HMBOX1: variants seen among roughly 807,000 people sequenced by gnomAD.
The protein encoded by HMBOX1 is homeobox-containing protein 1.
A neutral mutation model predicts 54.5 loss-of-function variants in HMBOX1; 14 were observed. The observed-to-expected ratio is 0.26, with a 90% confidence interval of 0.17 to 0.40. The LOEUF (loss-of-function observed/expected upper bound fraction) is 0.40, where lower values mean the gene tolerates loss of function less well. Among genes scored for constraint, HMBOX1 ranks in the 10% least tolerant of loss-of-function variants. The pLI is 1.00. For synonymous variants in HMBOX1, 160 were observed against 181.0 expected, an observed-to-expected ratio of 0.88 and a Z score of 0.93; for missense variants, 332 against 514.4, an observed-to-expected ratio of 0.65 and a Z score of 3.43.
At chr8:29,030,179 G>GTTTTT (rs372951537) in intron 6 of HMBOX1, among the ~76,000 whole-genome samples, 2 of 137,002 alleles carry the variant, frequency 1.5e-5, no homozygotes, top group Non-Finnish European at 1.6e-5. Flanking sequence ...TTAGGTTCCA[G>GTTTTT]TTTTTTTTTT....
intron 2 of HMBOX1, among the ~76,000 whole-genome samples, chr8:28,967,905 C>G (rs11778263): frequency 0.1 from 15,144 of 152,166 alleles, 998 homozygotes; most frequent in Middle Eastern, 0.16. Flanking sequence ...CACAAATGGC[C>G]TGCAACATGT....
chr8:28,968,352 G>T (rs1826800891), intron 2 of HMBOX1, among the ~76,000 whole-genome samples: 1 of 152,198 alleles, frequency 6.6e-6, no homozygotes, highest in Non-Finnish European at 1.5e-5. Flanking sequence ...AATAGCCTGT[G>T]TGCCAAATCA....
At chr8:28,947,129 A>G (rs1378125321) in intron 1 of HMBOX1, among the ~76,000 whole-genome samples, 1 of 152,206 alleles carries the variant, frequency 6.6e-6, no homozygotes. Context: ...ACTCAGATGG[A>G]GAGCGTTTTT....
At chr8:28,936,081 C>G (rs1039984879) in intron 1 of HMBOX1, among the ~76,000 whole-genome samples, 6 of 152,080 alleles carry the variant, frequency 3.9e-5, no homozygotes, top group African/African-American at 1.4e-4. Flanking sequence ...ATAGTTGGTC[C>G]TTAATAGTTC....
intron 1 of HMBOX1, among the ~76,000 whole-genome samples, chr8:28,946,414 C>G (rs1026543469): frequency 6.6e-6 from 1 of 151,648 alleles, no homozygotes; most frequent in Middle Eastern, 3.4e-3. Flanking sequence ...ACTAAAAATA[C>G]AAAATATTAG....
At chr8:28,926,439 G>GA (rs1486876234) in intron 1 of HMBOX1, among the ~76,000 whole-genome samples, 1 of 152,140 alleles carries the variant, frequency 6.6e-6, no homozygotes, top group Non-Finnish European at 1.5e-5. Context: ...ACTTCTGCCA[G>GA]AAAAAACTGA....
At position 29,018,776 on chromosome 8, in the gene HMBOX1, G is replaced by T; in HGVS notation, c.714G>T (p.Met238Ile). 6.2e-7 allele frequency: 1 copy of T among 1,614,052 alleles called. No homozygotes were observed. Among genetic ancestry groups the T allele is most frequent in the Middle Eastern group, 1.7e-4 (1 of 6,060 alleles). The stretch of plus-strand genomic sequence containing the variant: ...TTATTTCAGGCGCTACACTAAGTAT[G>T]AGACCAGCCCCCATTCCAATAGAGG... ...EKTNPGATLS[M>I]RPAPIPIEDP... The change falls in exon 6 of 10, where the codon ATG becomes ATT. Residue 238 changes from methionine to isoleucine, a missense_variant. By Grantham distance (10) the Met-to-Ile change is conservative. Coordinates refer to ENST00000287701, the MANE Select transcript of HMBOX1 (RefSeq NM_001135726.3).
At chr8:28,900,940 G>C (rs947623403) in intron 1 of HMBOX1, among the ~76,000 whole-genome samples, 2 of 152,094 alleles carry the variant, frequency 1.3e-5, no homozygotes, top group Non-Finnish European at 2.9e-5. Flanking sequence ...TTGTGAACAT[G>C]AACTTTGGAG....
rs1806575216 is a variant in HMBOX1, at chr8:29,052,966, TA to T, written c.*1815del. The T allele has an allele frequency of 6.6e-6, 1 of 152,320 alleles. No homozygotes were observed. Among genetic ancestry groups the T allele is most frequent in the African/African-American group, 2.4e-5 (1 of 41,428 alleles). 9.4% of individuals were successfully genotyped at this position (152,320 alleles called of 1,614,324 possible). A position where few individuals can be genotyped will look rare whatever the true frequency, so the allele number is the denominator to read the frequency against. On this transcript the variant is annotated 3_prime_UTR_variant, in exon 10 of 10. Coordinates refer to ENST00000287701, the MANE Select transcript of HMBOX1 (RefSeq NM_001135726.3). ...CCTCCTCCACCAAATGTATTCAACT[TA>T]AAACTGTGAGAGAGAGAGACTGAAT...
intron 4 of HMBOX1, among the ~76,000 whole-genome samples, chr8:29,003,552 TTAA>T (rs1385005926): frequency 1.3e-4 from 2 of 15,668 alleles, no homozygotes; most frequent in Non-Finnish European, 2.8e-4. Flanking sequence ...TTTTTCTGTA[TTAA>T]ATATATATAT....
intron 4 of HMBOX1, among the ~76,000 whole-genome samples, chr8:28,995,996 C>T (rs1211822774): frequency 6.6e-6 from 1 of 151,964 alleles, no homozygotes; most frequent in Non-Finnish European, 1.5e-5. Context: ...GTCCCAGCTA[C>T]TTGAAAGGCT....
intron 6 of HMBOX1, among the ~76,000 whole-genome samples, chr8:29,031,467 T>G (rs1802948637): frequency 6.6e-6 from 1 of 151,884 alleles, no homozygotes; most frequent in Non-Finnish European, 1.5e-5. Flanking sequence ...TATCCAAAGA[T>G]AAATATTGAG....
intron 1 of HMBOX1, among the ~76,000 whole-genome samples, chr8:28,918,504 T>A (rs1816969287): frequency 6.6e-6 from 1 of 152,094 alleles, no homozygotes; most frequent in Admixed American, 6.5e-5. Flanking sequence ...CGCCTGGCCA[T>A]GTTGTTTCTT....
chr8:29,009,802 T>C, intron 5 of HMBOX1: 1 of 1,264,358 alleles, frequency 7.9e-7, no homozygotes, highest in Admixed American at 2.6e-5. Context: ...GTAGGCAAGA[T>C]CTATTCAAGA....
chr8:28,973,823 T>TTTG (rs1563502114), intron 3 of HMBOX1, among the ~76,000 whole-genome samples: 1 of 133,106 alleles, frequency 7.5e-6, no homozygotes. Context: ...TTTTTTTTTT[T>TTTG]TTTTTTTTTT....
At chr8:28,902,971 A>G (rs920390650) in intron 1 of HMBOX1, among the ~76,000 whole-genome samples, 4 of 152,376 alleles carry the variant, frequency 2.6e-5, no homozygotes, top group South Asian at 2.1e-4. Context: ...TGATGGTGTC[A>G]TACTACCACT....
chr8:28,944,562 G>T (rs1025387511), intron 1 of HMBOX1, among the ~76,000 whole-genome samples: 1 of 152,176 alleles, frequency 6.6e-6, no homozygotes, highest in African/African-American at 2.4e-5. Flanking sequence ...GTCTCCAAAC[G>T]TTGGATTACT....
chr8:28,984,341 G>A (rs979097111), intron 4 of HMBOX1, among the ~76,000 whole-genome samples: 9 of 152,204 alleles, frequency 5.9e-5, no homozygotes, highest in African/African-American at 2.2e-4. Flanking sequence ...ATGAGAACGA[G>A]TGGTGCATAA....
chr8:29,020,622 C>A (rs1314951921), intron 6 of HMBOX1, among the ~76,000 whole-genome samples: 1 of 152,046 alleles, frequency 6.6e-6, no homozygotes, highest in Non-Finnish European at 1.5e-5. Flanking sequence ...TTTTATGTTA[C>A]CTGGCACAAC....
Sources: allele counts gnomAD v4.1 joint callset (sites outside exome capture counted in the v4.1 genomes callset), GRCh38; gene constraint gnomAD v4.1.1; transcripts MANE v1.5; gene names NCBI Gene and HGNC (gene_info 2026-07-23, HGNC 2026-07-21).